The following COPG2 variants were observed in gnomAD, a reference collection of about 807,000 sequenced individuals.
The protein encoded by COPG2 is coat protein complex I subunit gamma 2.
Under a neutral mutation model 46.3 loss-of-function variants are expected in COPG2, and 37 were observed. The ratio of observed to expected loss-of-function variants is 0.80; its 90% CI spans 0.61 to 1.05. The LOEUF is 1.05. Ranked by LOEUF, COPG2 falls within the 50% of genes least tolerant of loss-of-function variation. The pLI, the probability that COPG2 is intolerant of heterozygous loss-of-function variation, is 0.00. For synonymous variants in COPG2, 159 were observed against 129.7 expected, an observed-to-expected ratio of 1.23 and a Z score of -1.53; for missense variants, 427 against 387.8, an observed-to-expected ratio of 1.10 and a Z score of -0.85.
chr7:130,509,383 GATTTAGCAAGCAGGGATGAAGAAAAGGC>G (rs1261764241), intron 20 of COPG2: 3 of 452,924 alleles, frequency 6.6e-6, no homozygotes, highest in African/African-American at 6.0e-5. Context: ...TGAAGGAGGG[GATTTAGCAAGCAGGGATGAAGAAAAGGC>G]ATTTAGGATC....
At chr7:130,636,707 A>G (rs1795345977) in intron 5 of COPG2, among the ~76,000 whole-genome samples, 1 of 152,172 alleles carries the variant, frequency 6.6e-6, no homozygotes, top group African/African-American at 2.4e-5. Context: ...CCACTGGGGC[A>G]TTTAGCCAGT....
At chr7:130,653,062 A>C (rs368960937) in intron 4 of COPG2, 114 bp from the exon 5 acceptor site, 1 of 654,706 alleles carries the variant, frequency 1.5e-6, no homozygotes, top group Non-Finnish European at 2.5e-6. Flanking sequence ...TCTTTAAAAG[A>C]GTCTCATCTA....
intron 9 of COPG2, among the ~76,000 whole-genome samples, chr7:130,569,426 C>T (rs1043327690): frequency 3.3e-5 from 5 of 152,036 alleles, no homozygotes; most frequent in Non-Finnish European, 5.9e-5. Flanking sequence ...CCACTATGAA[C>T]ACCTTTATAC....
chr7:130,668,719 C>T lies in COPG2; in HGVS notation c.-51G>A, dbSNP rs1420029836. On this transcript the variant is annotated 5_prime_UTR_variant, in exon 1 of 24. Coordinates refer to ENST00000425248, the MANE Select transcript of COPG2 (RefSeq NM_012133.6). ...CCCACCGCAACCGTCCCAGGCGCCGCAGCCGGCGAGCGGAAGAGGCTGCAG... is the reference window on the plus strand; with the variant it reads ...CCCACCGCAACCGTCCCAGGCGCCGTAGCCGGCGAGCGGAAGAGGCTGCAG... 2.0e-6 allele frequency: 3 copies of T among 1,505,716 alleles called. No homozygotes were observed. The highest frequency in any genetic ancestry group is 1.8e-6 in the Non-Finnish European group (2 of 1,126,352). The allele number at this position is 1,505,716 out of a possible 1,614,324, so 93.3% of individuals were successfully genotyped here. A position where few individuals can be genotyped will look rare whatever the true frequency, so the allele number is the denominator to read the frequency against.
At chr7:130,588,774 T>C (rs1794338031) in intron 9 of COPG2, among the ~76,000 whole-genome samples, 2 of 151,894 alleles carry the variant, frequency 1.3e-5, no homozygotes, top group Admixed American at 6.6e-5. Context: ...TGTGCACATG[T>C]ACCCTAAAAC....
chr7:130,644,233 T>C (rs1795548725), intron 5 of COPG2, among the ~76,000 whole-genome samples: 1 of 152,214 alleles, frequency 6.6e-6, no homozygotes, highest in African/African-American at 2.4e-5. Flanking sequence ...CCCAGGCCCA[T>C]GGCTACTTTT....
At chr7:130,603,885 C>T (rs554134195) in intron 9 of COPG2, 1 of 518,190 alleles carries the variant, frequency 1.9e-6, no homozygotes, top group East Asian at 5.5e-5. Context: ...TCACTAATAA[C>T]CTACTATTAA....
chr7:130,636,400 C>T (rs539600022), intron 5 of COPG2, among the ~76,000 whole-genome samples: 1 of 152,232 alleles, frequency 6.6e-6, no homozygotes, highest in Non-Finnish European at 1.5e-5. Context: ...GCATTGGGTG[C>T]ATTTATATTT....
At chr7:130,655,204 A>G (rs1460885345) in intron 4 of COPG2, among the ~76,000 whole-genome samples, 3 of 151,818 alleles carry the variant, frequency 2.0e-5, no homozygotes, top group African/African-American at 7.3e-5. Flanking sequence ...CTTAAATAGT[A>G]TTGAACTCTA....
At chr7:130,658,282 A>C (rs1447403491) in intron 4 of COPG2, among the ~76,000 whole-genome samples, 1 of 152,202 alleles carries the variant, frequency 6.6e-6, no homozygotes, top group Non-Finnish European at 1.5e-5. Context: ...CTGAAAAGAA[A>C]CTCAAAAAAG....
intron 20 of COPG2, among the ~76,000 whole-genome samples, chr7:130,546,273 G>A (rs1041248790): frequency 5.3e-5 from 8 of 152,244 alleles, no homozygotes; most frequent in Middle Eastern, 3.4e-3. Context: ...CCAAATACTA[G>A]TTTAGAAAAA....
At chr7:130,539,947 G>A (rs1799920326) in intron 20 of COPG2, among the ~76,000 whole-genome samples, 1 of 150,956 alleles carries the variant, frequency 6.6e-6, no homozygotes, top group Admixed American at 6.6e-5. Flanking sequence ...GGGCAGGAAG[G>A]AATGGCTGCT....
chr7:130,575,937 C>G (rs370008281), intron 9 of COPG2, among the ~76,000 whole-genome samples: 23 of 152,154 alleles, frequency 1.5e-4, no homozygotes, highest in Non-Finnish European at 7.4e-5. Flanking sequence ...TCAGACAAAA[C>G]AAACTTTAAA....
chr7:130,509,047 A>G (rs1799552788), intron 20 of COPG2: 1 of 476,588 alleles, frequency 2.1e-6, no homozygotes, highest in Non-Finnish European at 4.2e-6. Context: ...AAACAAAAAA[A>G]AAACCTGTGG....
At chr7:130,558,745 C>G (rs1021151480) in intron 12 of COPG2, among the ~76,000 whole-genome samples, 1 of 152,174 alleles carries the variant, frequency 6.6e-6, no homozygotes, top group Non-Finnish European at 1.5e-5. Context: ...TGGTCTTGAA[C>G]TCCTGGACTC....
chr7:130,624,289 T>C (rs1554454012), intron 5 of COPG2, among the ~76,000 whole-genome samples: 2 of 152,214 alleles, frequency 1.3e-5, no homozygotes, highest in Non-Finnish European at 2.9e-5. Context: ...TTAATATTTT[T>C]TCTAAGTTTT....
At chr7:130,655,268 T>C (rs782147556) in intron 4 of COPG2, among the ~76,000 whole-genome samples, 28 of 152,200 alleles carry the variant, frequency 1.8e-4, no homozygotes, top group Admixed American at 9.2e-4. Context: ...TTTTTTCACT[T>C]TGAGGCTTAC....
chr7:130,617,226 G>A (rs371928683), intron 5 of COPG2, among the ~76,000 whole-genome samples, 161 bp from the exon 6 acceptor site: 48 of 152,274 alleles, frequency 3.2e-4, no homozygotes, highest in African/African-American at 6.3e-4. Flanking sequence ...AGACTACTGC[G>A]TAGAAGACTG....
chr7:130,577,621 C>T (rs1490979114), intron 9 of COPG2, among the ~76,000 whole-genome samples: 15 of 151,212 alleles, frequency 9.9e-5, no homozygotes, highest in East Asian at 1.9e-4. Context: ...ATTAGCCGGG[C>T]GCGGTGGCGG....
Sources: allele counts gnomAD v4.1 joint callset (sites outside exome capture counted in the v4.1 genomes callset), GRCh38; gene constraint gnomAD v4.1.1; transcripts MANE v1.5; gene names NCBI Gene and HGNC (gene_info 2026-07-23, HGNC 2026-07-21).